Variants in HHIP observed in about 807,000 individuals in gnomAD.
HHIP encodes hedgehog interacting protein, also known as hedgehog-interacting protein.
In HHIP, 12 loss-of-function variants were observed where a neutral mutation model predicts 74.0. The ratio of observed to expected loss-of-function variants is 0.16; its 90% confidence interval spans 0.10 to 0.26. The LOEUF (loss-of-function observed/expected upper bound fraction) is 0.26. Among genes scored for constraint, HHIP ranks in the 10% least tolerant of loss-of-function variants. The pLI, the probability that HHIP is intolerant of heterozygous loss-of-function variation, is 1.00. For missense variants in HHIP, 788 were observed against 845.0 expected (o/e 0.93, Z 0.84); for synonymous variants, 309 against 311.6 (o/e 0.99, Z 0.09).
intron 4 of HHIP, among the ~76,000 whole-genome samples, chr4:144,663,114 T>C (rs1385729549): frequency 6.6e-6 from 1 of 151,998 alleles, no homozygotes; most frequent in African/African-American, 2.4e-5. Flanking sequence ...GTTGAAACCA[T>C]GTCTCTAATA....
At chr4:144,716,854 G>GAAAAAAAAAAAAAAAAAAAAAAA (rs869028218) in intron 10 of HHIP, among the ~76,000 whole-genome samples, 3 of 54,656 alleles carry the variant, frequency 5.5e-5, no homozygotes, top group Non-Finnish European at 1.0e-4. Flanking sequence ...CGTCTCAAAA[G>GAAAAAAAAAAAAAAAAAAAAAAA]AAAAAAAAAA....
intron 8 of HHIP, among the ~76,000 whole-genome samples, chr4:144,712,977 T>C (rs1730345115): frequency 6.7e-6 from 1 of 148,646 alleles, no homozygotes; most frequent in Non-Finnish European, 1.5e-5. Flanking sequence ...AACTAATGAG[T>C]CACTAGCTCG....
chr4:144,708,662 T>C (rs778157666), intron 7 of HHIP, among the ~76,000 whole-genome samples: 4 of 152,192 alleles, frequency 2.6e-5, no homozygotes, highest in Non-Finnish European at 2.9e-5. Context: ...TTGATTTGTC[T>C]CCTTAAATCC....
intron 4 of HHIP, among the ~76,000 whole-genome samples, chr4:144,663,967 G>T (rs1728786708): frequency 6.6e-6 from 1 of 152,218 alleles, no homozygotes; most frequent in Non-Finnish European, 1.5e-5. Flanking sequence ...GCCCGCACCT[G>T]TCACTTGGCA....
chr4:144,652,921 C>T, intron 2 of HHIP, 124 bp downstream of exon 2: 2 of 615,632 alleles, frequency 3.2e-6, no homozygotes, highest in South Asian at 5.2e-5. Context: ...ACCTATTTTA[C>T]CTCATAATTA....
chr4:144,678,501 C>A (rs1288172353), intron 4 of HHIP, among the ~76,000 whole-genome samples: 1 of 152,110 alleles, frequency 6.6e-6, no homozygotes, highest in African/African-American at 2.4e-5. Context: ...ATCAACCTGT[C>A]ATCTACATTA....
At chr4:144,720,626 C>T (rs564057484) in intron 11 of HHIP, among the ~76,000 whole-genome samples, 4 of 152,082 alleles carry the variant, frequency 2.6e-5, no homozygotes, top group Admixed American at 6.5e-5. Flanking sequence ...ACCTGAAGGC[C>T]TGACTTCTCA....
At chr4:144,649,369 T>C (rs1728358080) in intron 1 of HHIP, among the ~76,000 whole-genome samples, 1 of 152,180 alleles carries the variant, frequency 6.6e-6, no homozygotes, top group Non-Finnish European at 1.5e-5. Context: ...TGCTCAGCTA[T>C]GCAATTAAGT....
At chr4:144,676,572 A>AAC (rs1334346612) in intron 4 of HHIP, among the ~76,000 whole-genome samples, 2 of 152,176 alleles carry the variant, frequency 1.3e-5, no homozygotes, top group African/African-American at 4.8e-5. Flanking sequence ...CCTGGACGAA[A>AAC]ACACACACTC....
intron 4 of HHIP, among the ~76,000 whole-genome samples, chr4:144,699,696 A>T (rs1325855177): frequency 6.6e-6 from 1 of 152,192 alleles, no homozygotes. Context: ...CCTATCACTC[A>T]GGAAATTCCA....
intron 4 of HHIP, among the ~76,000 whole-genome samples, chr4:144,689,485 C>G (rs898839074): frequency 4.6e-5 from 7 of 152,276 alleles, no homozygotes; most frequent in Admixed American, 1.3e-4. Flanking sequence ...TCTATGCTAC[C>G]ATGAGTTCTC....
intron 11 of HHIP, among the ~76,000 whole-genome samples, chr4:144,732,186 T>TTAACAGTTTAAA (rs1730979477): frequency 1.3e-5 from 2 of 152,144 alleles, no homozygotes; most frequent in Non-Finnish European, 2.9e-5. Flanking sequence ...GGAGCCCTGA[T>TTAACAGTTTAAA]AGAGTAACAG....
In HHIP at chr4:144,646,723, G is replaced by A; in HGVS notation, c.48G>A (p.Leu16=). ...AGCTGCTGCTGCTGGCCGTGGCTCT[G>A]GGCTTCTTTGAAGGAGATGCTAAGT... is the stretch of plus-strand genomic sequence containing the variant. ...SFKLLLLAVA[L]GFFEGDAKFG... The change falls in exon 1 of 13, where the codon CTG becomes CTA. Residue 16 remains leucine (L), a synonymous_variant. Coordinates refer to ENST00000296575, the MANE Select transcript of HHIP (RefSeq NM_022475.3). 6.2e-7 allele frequency: 1 copy of A among 1,614,170 alleles called. No individual in the cohort carries two copies. Among genetic ancestry groups the A allele is most frequent in the Non-Finnish European group, 8.5e-7 (1 of 1,180,026 alleles).
rs1167213848 is a variant in HHIP at position 144,670,764 on chromosome 4, G to GAA, written c.831+10949_831+10950dup. 2.5e-3 allele frequency among the ~76,000 whole-genome samples: 136 copies of GAA among 54,858 alleles called. 4 individuals carry two copies. The highest frequency in any genetic ancestry group is 5.6e-3 in the East Asian group (9 of 1,608). The allele number at this position is 54,858 out of a possible 152,430, so 36.0% of individuals were successfully genotyped here. A position where few individuals can be genotyped will look rare whatever the true frequency, so the allele number is the denominator to read the frequency against. Reference sequence around the variant, plus strand: ...GTGAGTGAAAAGATGCTTAAGATTTGAAAAAAAAAAAAAAAAAAAAAAAAG... The same window carrying GAA: ...GTGAGTGAAAAGATGCTTAAGATTTGAAAAAAAAAAAAAAAAAAAAAAAAAAG... On this transcript the variant is annotated intron_variant, in intron 4 of 12. Transcript: ENST00000296575.
At chr4:144,654,727 G>A (rs904367195) in intron 2 of HHIP, among the ~76,000 whole-genome samples, 10 of 151,806 alleles carry the variant, frequency 6.6e-5, no homozygotes, top group Non-Finnish European at 1.5e-4. Flanking sequence ...CAGATTTTTT[G>A]GAAATTACTA....
At chr4:144,729,245 C>T (rs1730885942) in intron 11 of HHIP, among the ~76,000 whole-genome samples, 1 of 152,080 alleles carries the variant, frequency 6.6e-6, no homozygotes, top group Non-Finnish European at 1.5e-5. Context: ...TGAGTATTGG[C>T]TTAAAAATGA....
chr4:144,734,603 C>G (rs1361301424), intron 11 of HHIP, 138 bp from the exon 12 acceptor site: 2 of 562,694 alleles, frequency 3.6e-6, no homozygotes, highest in African/African-American at 1.9e-5. Context: ...AGTTGTAAAT[C>G]TGACTGAGTC....
At chr4:144,715,077 C>T in intron 9 of HHIP, 1 of 402,506 alleles carries the variant, frequency 2.5e-6, no homozygotes, top group South Asian at 2.9e-5. Context: ...TACTCAGGTA[C>T]TTTTAGTGCC....
chr4:144,653,240 G>T (rs1728472352), intron 2 of HHIP, among the ~76,000 whole-genome samples: 1 of 151,994 alleles, frequency 6.6e-6, no homozygotes, highest in Non-Finnish European at 1.5e-5. Context: ...ATATGATTAG[G>T]AATCCAAAAA....
Sources: gnomAD v4.1 joint callset for allele counts (sites outside exome capture counted in the v4.1 genomes callset) on GRCh38, gnomAD v4.1.1 for gene constraint, MANE v1.5 for transcripts, NCBI Gene and HGNC (gene_info 2026-07-23, HGNC 2026-07-21) for gene names.